The following TTC34 variants were observed in gnomAD, a reference collection of about 807,000 sequenced individuals.
The protein encoded by TTC34 is tetratricopeptide repeat domain 34, also known as tetratricopeptide repeat protein 34.
Under a neutral mutation model 40.7 loss-of-function variants are expected in TTC34, and 44 were observed. The observed-to-expected ratio is 1.08, with a 90% CI of 0.85 to 1.39. The LOEUF is 1.39. Ranked by LOEUF, TTC34 falls within the 40% of genes most tolerant of loss-of-function variation. The pLI is 0.00. For synonymous variants in TTC34, 422 were observed against 398.6 expected (o/e 1.06, Z -0.70); for missense variants, 884 against 838.0 (o/e 1.05, Z -0.68).
Position 2,685,632 on chromosome 1 carries a change from C to A in TTC34, c.2227-40069G>T, listed in dbSNP as rs572203788. Among the ~76,000 whole-genome samples the A allele has an allele frequency of 1.7e-4, 23 of 138,762 alleles. 1 individual carries two copies. The highest frequency in any genetic ancestry group is 6.4e-4 in the African/African-American group (22 of 34,158). 91.0% of individuals were successfully genotyped at this position (138,762 alleles called of 152,430 possible). A position where few individuals can be genotyped will look rare whatever the true frequency, so the allele number is the denominator to read the frequency against. On this transcript the variant is annotated intron_variant, in intron 6 of 8. Coordinates refer to ENST00000401095, the Ensembl canonical transcript of TTC34. ...GAGCATCCGACAGCCTGGAGCAGCA[C>A]CCACACCCTCAGGTGAGCATCTGAC...
chr1:2,654,017 C>T (rs1411718478), intron 6 of TTC34, among the ~76,000 whole-genome samples: 116 of 44,724 alleles, frequency 2.6e-3, no homozygotes, highest in African/African-American at 7.2e-3. Flanking sequence ...CACCCCCAGG[C>T]GAGCATCTGA....
intron 2 of TTC34, among the ~76,000 whole-genome samples, chr1:2,791,275 G>A (rs1188002483): frequency 6.6e-6 from 1 of 152,226 alleles, no homozygotes; most frequent in Non-Finnish European, 1.5e-5. Flanking sequence ...TCCGTGCTGG[G>A]CGGGCTTCAG....
intron 4 of TTC34, among the ~76,000 whole-genome samples, chr1:2,786,538 AC>A (rs1320728533): frequency 6.6e-6 from 1 of 151,888 alleles, no homozygotes; most frequent in Non-Finnish European, 1.5e-5. Flanking sequence ...GTGGGCTGGG[AC>A]TCTCAGGGTT....
At chr1:2,795,766 G>A (rs1284626757) in intron 2 of TTC34, among the ~76,000 whole-genome samples, 1 of 152,194 alleles carries the variant, frequency 6.6e-6, no homozygotes, top group African/African-American at 2.4e-5. Flanking sequence ...AAACACGTAG[G>A]GAGCCATGGT....
Position 2,783,592 on chromosome 1 carries a change from C to G in TTC34, c.2226+17G>C. 7.2e-7 allele frequency: 1 copy of G among 1,390,214 alleles called. No homozygotes were observed. Among genetic ancestry groups the G allele is most frequent in the Non-Finnish European group, 9.5e-7 (1 of 1,055,656 alleles). The allele number at this position is 1,390,214 out of a possible 1,614,324, so 86.1% of individuals were successfully genotyped here. The stretch of plus-strand genomic sequence containing the variant: ...CACCCGTGCTTGCCCAGGCCCAGGT[C>G]AGGAGTGGGGCGGCACCTGCAGCTG... On this transcript the variant is annotated intron_variant, in intron 6 of 8. Coordinates refer to ENST00000401095, the Ensembl canonical transcript of TTC34.
intron 6 of TTC34, chr1:2,776,041 A>C (rs1200028647): frequency 3.1e-5 from 4 of 130,348 alleles, no homozygotes; most frequent in Admixed American, 7.3e-5. Context: ...AACACCCTCC[A>C]CCCCCAGGTG....
intron 5 of TTC34, among the ~76,000 whole-genome samples, chr1:2,784,937 G>A (rs940599424): frequency 3.3e-5 from 5 of 152,166 alleles, no homozygotes; most frequent in South Asian, 2.1e-4. Flanking sequence ...GTTCTGTGAC[G>A]GACATGGGAC....
chr1:2,637,668 G>A (rs1167175478), exon 9 of TTC34: 1 of 152,242 alleles, frequency 6.6e-6, no homozygotes, highest in Non-Finnish European at 1.5e-5. Flanking sequence ...CACGAGGGCT[G>A]TGGGGGGTCC....
intron 2 of TTC34, among the ~76,000 whole-genome samples, chr1:2,793,739 C>A (rs954806048): frequency 5.9e-5 from 9 of 152,178 alleles, no homozygotes; most frequent in Non-Finnish European, 1.2e-4. Flanking sequence ...TTTAGATCGA[C>A]GTGGGTCCAC....
intron 2 of TTC34, among the ~76,000 whole-genome samples, chr1:2,798,073 T>C (rs1643727947): frequency 7.0e-6 from 1 of 142,932 alleles, no homozygotes; most frequent in African/African-American, 2.6e-5. Context: ...TCTCAGCCTC[T>C]TAGCCCCTCA....
At chr1:2,756,966 A>G (rs1641527098) in intron 6 of TTC34, among the ~76,000 whole-genome samples, 171 of 150,500 alleles carry the variant, frequency 1.1e-3, no homozygotes, top group Admixed American at 2.2e-3. Flanking sequence ...AGCATCTGAC[A>G]GACTGGAACA....
At chr1:2,797,668 G>C (rs1357713080) in intron 2 of TTC34, among the ~76,000 whole-genome samples, 1 of 152,140 alleles carries the variant, frequency 6.6e-6, no homozygotes, top group Non-Finnish European at 1.5e-5. Flanking sequence ...AGGGATCCGA[G>C]GGTGGCAGAG....
intron 6 of TTC34, among the ~76,000 whole-genome samples, chr1:2,688,409 C>G (rs796524471): frequency 7.7e-5 from 11 of 142,324 alleles, no homozygotes; most frequent in African/African-American, 2.7e-4. Flanking sequence ...AGCACCCACA[C>G]CCCCAGGTGA....
At position 2,750,415 on chromosome 1, in the gene TTC34, G is replaced by A. The variant is rs1279437579; in HGVS notation, c.2226+33194C>T. Among the ~76,000 whole-genome samples, 168 of 111,726 alleles carry A rather than the reference G, an allele frequency of 1.5e-3. 5 individuals carry two copies. Among genetic ancestry groups the A allele is most frequent in the Non-Finnish European group, 2.1e-3 (119 of 57,046 alleles). The allele number at this position is 111,726 out of a possible 152,430, so 73.3% of individuals were successfully genotyped here. A position where few individuals can be genotyped will look rare whatever the true frequency, so the allele number is the denominator to read the frequency against. On this transcript the variant is annotated intron_variant, in intron 6 of 8. Coordinates refer to ENST00000401095, the Ensembl canonical transcript of TTC34. ...GAACAGCACGCACACCCCCAGGTGC[G>A]CACGTGACAGCCTGTAACAGCACCC... is the stretch of plus-strand genomic sequence containing the variant.
intron 4 of TTC34, among the ~76,000 whole-genome samples, chr1:2,787,226 A>C (rs1472517048): frequency 1.3e-5 from 2 of 152,186 alleles, no homozygotes; most frequent in African/African-American, 4.8e-5. Context: ...GCAGCTACGC[A>C]TGCAGGGAAA....
chr1:2,691,123 C>T (rs1157667356), intron 6 of TTC34, among the ~76,000 whole-genome samples: 1 of 73,700 alleles, frequency 1.4e-5, no homozygotes, highest in South Asian at 4.2e-4. Context: ...ATCTGACAGC[C>T]TGGAACAGAA....
chr1:2,648,424 G>A (rs1639061777), intron 6 of TTC34, among the ~76,000 whole-genome samples: 1 of 152,172 alleles, frequency 6.6e-6, no homozygotes, highest in Non-Finnish European at 1.5e-5. Context: ...TGGCCTTTCT[G>A]GGGTCTCAAC....
intron 6 of TTC34, among the ~76,000 whole-genome samples, chr1:2,692,635 G>A (rs1248788353): frequency 1.4e-5 from 2 of 143,522 alleles, no homozygotes; most frequent in African/African-American, 5.4e-5. Flanking sequence ...CCCCAGGTGA[G>A]CATCTGACAT....
intron 6 of TTC34, among the ~76,000 whole-genome samples, chr1:2,767,944 C>G (rs1451100474): frequency 6.7e-6 from 1 of 148,444 alleles, no homozygotes; most frequent in African/African-American, 2.5e-5. Flanking sequence ...GGTGGGCATC[C>G]GATGGCATGG....
Sources: allele counts gnomAD v4.1 joint callset (sites outside exome capture counted in the v4.1 genomes callset), GRCh38; gene constraint gnomAD v4.1.1; transcripts MANE v1.5; gene names NCBI Gene and HGNC (gene_info 2026-07-23, HGNC 2026-07-21).